The following ADAMTS18 variants were observed in gnomAD, a reference collection of about 807,000 sequenced individuals.
ADAMTS18 encodes A disintegrin and metalloproteinase with thrombospondin motifs 18.
In ADAMTS18, 157 loss-of-function variants were observed where a neutral mutation model predicts 165.9. The observed-to-expected ratio is 0.95, with a 90% CI of 0.83 to 1.08. The LOEUF is 1.08. ADAMTS18 is among the 50% of genes least tolerant of loss of function. The pLI is 0.00. For synonymous variants in ADAMTS18, 782 were observed against 578.2 expected (o/e 1.35, Z -5.06); for missense variants, 2,040 against 1,534.0 (o/e 1.33, Z -5.51).
intron 14 of ADAMTS18, 107 bp downstream of exon 14, chr16:77,322,229 C>T (rs144172935): frequency 2.9e-5 from 40 of 1,398,996 alleles, no homozygotes; most frequent in Non-Finnish European, 3.3e-5. Context: ...CTCCATGCCA[C>T]CTGCTCTTCT....
At chr16:77,418,099 G>C (rs2057553567) in intron 3 of ADAMTS18, among the ~76,000 whole-genome samples, 1 of 152,066 alleles carries the variant, frequency 6.6e-6, no homozygotes, top group Non-Finnish European at 1.5e-5. Context: ...AGGAGTCTGG[G>C]TTGTCATGCT....
chr16:77,292,030 G>A lies in ADAMTS18; in HGVS notation c.3190-552C>T, dbSNP rs139612955. Among the ~76,000 whole-genome samples the A allele has an allele frequency of 2.0e-5, 3 of 152,302 alleles. No homozygotes were observed. The East Asian group carries it at 5.8e-4, about 29-fold the overall frequency. On this transcript the variant is annotated intron_variant, in intron 20 of 22. Coordinates refer to ENST00000282849, the MANE Select transcript of ADAMTS18 (RefSeq NM_199355.4). ...TAGGAAAAATATCCTTTTAGGCTGG[G>A]TGCAGTGGCTCAGGCCTGTAATCAC...
rs2056760757 is a variant in ADAMTS18 at position 77,364,322 on chromosome 16, C to T, written c.838G>A (p.Gly280Arg). The T allele has an allele frequency of 6.2e-7, 1 of 1,613,800 alleles. No individual in the cohort carries two copies. The highest frequency in any genetic ancestry group is 8.5e-7 in the Non-Finnish European group (1 of 1,180,020). The change falls in exon 5 of 23, where the codon GGG (glycine) becomes AGG (arginine). Residue 280 changes from glycine (G) to arginine (R), a missense_variant. Gly to Arg is a moderately radical substitution (Grantham distance 125). Coordinates refer to ENST00000282849, the MANE Select transcript of ADAMTS18 (RefSeq NM_199355.4). ...YLRFDEYGSS[G>R]RPRRSAGKSQ... ...TTTCCAGCTGATCTTCTGGGTCGCC[C>T]AGAGCTCCCATATTCATCAAACCTT...
intron 22 of ADAMTS18, among the ~76,000 whole-genome samples, chr16:77,287,174 G>A (rs1363068678): frequency 6.6e-6 from 1 of 152,144 alleles, no homozygotes; most frequent in South Asian, 2.1e-4. Flanking sequence ...GTGCCTAGCA[G>A]AGTACCGTAC....
At chr16:77,397,243 A>C (rs893480752) in intron 3 of ADAMTS18, among the ~76,000 whole-genome samples, 1 of 152,328 alleles carries the variant, frequency 6.6e-6, no homozygotes, top group South Asian at 2.1e-4. Flanking sequence ...AGAAAGGAGA[A>C]ACTTTGTGTA....
At chr16:77,403,203 A>G (rs2057353039) in intron 3 of ADAMTS18, among the ~76,000 whole-genome samples, 1 of 152,220 alleles carries the variant, frequency 6.6e-6, no homozygotes, top group Admixed American at 6.5e-5. Flanking sequence ...TGGGAAAGAA[A>G]ATAATTAATT....
At chr16:77,295,702 C>G (rs1024855914) in intron 18 of ADAMTS18, among the ~76,000 whole-genome samples, 5 of 152,100 alleles carry the variant, frequency 3.3e-5, no homozygotes, top group Admixed American at 2.0e-4. Flanking sequence ...GTGGGTACTT[C>G]CCCAAATTAC....
chr16:77,354,064 G>T (rs1306825138), intron 9 of ADAMTS18, among the ~76,000 whole-genome samples, 178 bp from the exon 10 acceptor site: 1 of 152,156 alleles, frequency 6.6e-6, no homozygotes, highest in Non-Finnish European at 1.5e-5. Flanking sequence ...CTAAGAGGAT[G>T]GAATGTACAC....
At chr16:77,358,893 C>T (rs1289245200) in intron 8 of ADAMTS18, among the ~76,000 whole-genome samples, 5 of 152,180 alleles carry the variant, frequency 3.3e-5, no homozygotes, top group Non-Finnish European at 7.3e-5. Context: ...ATATTAAGTA[C>T]ATGCAATGTT....
chr16:77,387,741 A>G (rs575947371), intron 3 of ADAMTS18, among the ~76,000 whole-genome samples: 1 of 152,332 alleles, frequency 6.6e-6, no homozygotes, highest in South Asian at 2.1e-4. Context: ...TTCTCCAACC[A>G]TAGCTAAGAT....
chr16:77,374,246 C>T (rs1324575586), intron 3 of ADAMTS18, among the ~76,000 whole-genome samples: 4 of 151,526 alleles, frequency 2.6e-5, no homozygotes, highest in Non-Finnish European at 5.9e-5. Flanking sequence ...ATTGTTTCTT[C>T]ATCCCCAGAC....
intron 3 of ADAMTS18, among the ~76,000 whole-genome samples, chr16:77,378,122 G>C (rs2056978318): frequency 6.6e-6 from 1 of 152,054 alleles, no homozygotes; most frequent in Non-Finnish European, 1.5e-5. Context: ...GAGCTCAGGA[G>C]TTTATCAGCC....
At chr16:77,295,499 G>T (rs191146736) in intron 18 of ADAMTS18, among the ~76,000 whole-genome samples, 9 of 152,288 alleles carry the variant, frequency 5.9e-5, no homozygotes, top group Non-Finnish European at 1.0e-4. Context: ...CCATTAAGGA[G>T]CCTATAACAC....
chr16:77,291,069 C>G (rs1567455241), intron 21 of ADAMTS18, 197 bp downstream of exon 21: 1 of 574,520 alleles, frequency 1.7e-6, no homozygotes, highest in South Asian at 2.0e-5. Flanking sequence ...TAATGATTTT[C>G]TAGATGTGAA....
rs557779082 is a variant in ADAMTS18 at position 77,334,693 on chromosome 16, AG to A, written c.1859+1062del. On this transcript the variant is annotated intron_variant, in intron 12 of 22. Coordinates refer to ENST00000282849, the MANE Select transcript of ADAMTS18 (RefSeq NM_199355.4). ...TGCATATACTATAGTATATATATAT[AG>A]TATATATATACTGTATACTATAGTA... Among the ~76,000 whole-genome samples, 128 of 93,104 alleles carry A rather than the reference AG, an allele frequency of 1.4e-3. 2 individuals carry two copies. The highest frequency in any genetic ancestry group is 6.0e-3 in the African/African-American group (125 of 20,694). The allele number at this position is 93,104 out of a possible 152,430, so 61.1% of individuals were successfully genotyped here. A position where few individuals can be genotyped will look rare whatever the true frequency, so the allele number is the denominator to read the frequency against.
At chr16:77,364,782 C>A (rs527709541) in intron 4 of ADAMTS18, among the ~76,000 whole-genome samples, 2 of 149,598 alleles carry the variant, frequency 1.3e-5, no homozygotes, top group East Asian at 2.0e-4. Flanking sequence ...CAAAGGAAAG[C>A]AAAGCAAAGC....
intron 16 of ADAMTS18, among the ~76,000 whole-genome samples, chr16:77,304,011 C>T (rs892147264): frequency 5.3e-5 from 8 of 151,552 alleles, no homozygotes; most frequent in East Asian, 4.0e-4. Flanking sequence ...GCCTGGGCGA[C>T]AGAGCAACAC....
intron 3 of ADAMTS18, among the ~76,000 whole-genome samples, chr16:77,375,074 G>A (rs2056929558): frequency 6.6e-6 from 1 of 152,070 alleles, no homozygotes; most frequent in South Asian, 2.1e-4. Context: ...GCAAAGTCTG[G>A]CTTGGTAACA....
chr16:77,368,922 G>A (rs1054937063), intron 3 of ADAMTS18, among the ~76,000 whole-genome samples: 4 of 152,194 alleles, frequency 2.6e-5, no homozygotes, highest in African/African-American at 9.7e-5. Flanking sequence ...TGATGGCACA[G>A]TATGGATATC....
Sources: gnomAD v4.1 joint callset for allele counts (sites outside exome capture counted in the v4.1 genomes callset) on GRCh38, gnomAD v4.1.1 for gene constraint, MANE v1.5 for transcripts, NCBI Gene and HGNC (gene_info 2026-07-23, HGNC 2026-07-21) for gene names.